The following ATP6V1A variants were observed in gnomAD, a reference collection of about 807,000 sequenced individuals.
ATP6V1A encodes the protein ATPase H+ transporting V1 subunit A, also known as V-type proton ATPase catalytic subunit A.
Under a neutral mutation model 70.1 loss-of-function variants are expected in ATP6V1A, and 18 were observed. That is an observed-to-expected ratio of 0.26 (90% confidence interval 0.18 to 0.38). ATP6V1A has a LOEUF of 0.38. Among genes scored for constraint, ATP6V1A ranks in the 10% least tolerant of loss-of-function variants. The pLI is 1.00. For missense variants in ATP6V1A, 424 were observed against 772.4 expected (o/e 0.55, Z 5.35); for synonymous variants, 232 against 253.8 (o/e 0.91, Z 0.82).
intron 1 of ATP6V1A, among the ~76,000 whole-genome samples, chr3:113,775,214 A>G (rs1408823697): frequency 6.6e-6 from 1 of 151,824 alleles, no homozygotes. Context: ...TAAGCGTATT[A>G]CATTTCACAA....
In ATP6V1A at chr3:113,786,270, G is replaced by A. The variant is rs1446469883; in HGVS notation, c.603G>A (p.Glu201=). The change falls in exon 6 of 15, where the codon GAG becomes GAA. Residue 201 remains glutamate (E), a synonymous_variant. Coordinates refer to ENST00000273398, the MANE Select transcript of ATP6V1A (RefSeq NM_001690.4). The part of the protein sequence containing the change: ...VLELEFEGVK[E]KFTMVQVWPV... ...AGCTTGAATTTGAAGGTGTAAAGGA[G>A]AAGTTCACCATGGTGCAAGTATGGC... The A allele has an allele frequency of 5.0e-6, 8 of 1,610,874 alleles. No homozygotes were observed. The highest frequency in any genetic ancestry group is 6.8e-6 in the Non-Finnish European group (8 of 1,178,034).
chr3:113,762,035 G>A (rs79714679), intron 1 of ATP6V1A, among the ~76,000 whole-genome samples: 1 of 127,230 alleles, frequency 7.9e-6, no homozygotes, highest in South Asian at 2.4e-4. Context: ...GCCTGTAATC[G>A]CAGCTACTCT....
At chr3:113,785,179 C>T (rs922285474) in intron 5 of ATP6V1A, among the ~76,000 whole-genome samples, 3 of 152,210 alleles carry the variant, frequency 2.0e-5, no homozygotes, top group South Asian at 2.1e-4. Context: ...TGTAGGCTCA[C>T]GCCTGTAATC....
intron 6 of ATP6V1A, among the ~76,000 whole-genome samples, chr3:113,786,648 G>A (rs1435413569): frequency 6.7e-6 from 1 of 149,904 alleles, no homozygotes; most frequent in African/African-American, 2.4e-5. Flanking sequence ...AAGAAAATCT[G>A]TACCAAAACA....
intron 6 of ATP6V1A, among the ~76,000 whole-genome samples, chr3:113,786,996 T>C (rs1709046744): frequency 6.6e-6 from 1 of 152,150 alleles, no homozygotes; most frequent in Admixed American, 6.5e-5. Flanking sequence ...CCTAGGCTGA[T>C]CTCAAACTTC....
chr3:113,804,793 C>T (rs1709256667), intron 13 of ATP6V1A, among the ~76,000 whole-genome samples: 2 of 152,138 alleles, frequency 1.3e-5, no homozygotes, highest in Non-Finnish European at 1.5e-5. Flanking sequence ...AAAAGTTGTA[C>T]GAATGTATGT....
chr3:113,767,867 A>G (rs1020715618), intron 1 of ATP6V1A, among the ~76,000 whole-genome samples: 1 of 152,064 alleles, frequency 6.6e-6, no homozygotes, highest in African/African-American at 2.4e-5. Flanking sequence ...TGGCCAGGCA[A>G]GTCTTGAACT....
chr3:113,750,190 T>C (rs1177776489), intron 1 of ATP6V1A, among the ~76,000 whole-genome samples: 7 of 152,172 alleles, frequency 4.6e-5, no homozygotes, highest in Non-Finnish European at 1.0e-4. Flanking sequence ...AGGTAATCTA[T>C]GTGAAAATAT....
intron 11 of ATP6V1A, among the ~76,000 whole-genome samples, chr3:113,796,721 A>G (rs151217713): frequency 2.0e-4 from 30 of 152,338 alleles, no homozygotes; most frequent in Non-Finnish European, 2.9e-4. Flanking sequence ...TGACAGTATC[A>G]GAGAAAAGGA....
rs926541314 is a variant in ATP6V1A, at chr3:113,811,855, A to G, written c.*2428A>G. 3 of 152,596 alleles carry G rather than the reference A, an allele frequency of 2.0e-5. No individual in the cohort carries two copies. Among genetic ancestry groups the G allele is most frequent in the Admixed American group, 1.3e-4 (2 of 15,272 alleles). 9.5% of individuals were successfully genotyped at this position (152,596 alleles called of 1,614,324 possible). A position where few individuals can be genotyped will look rare whatever the true frequency, so the allele number is the denominator to read the frequency against. Reference sequence around the variant, plus strand: ...TTGTGCTGTGTCTGGTCCTAAGTGGAGCCAATTAAACAAGTTTCATATGTA... The same window carrying G: ...TTGTGCTGTGTCTGGTCCTAAGTGGGGCCAATTAAACAAGTTTCATATGTA... On this transcript the variant is annotated 3_prime_UTR_variant, in exon 15 of 15. Transcript: ENST00000273398.
chr3:113,776,999 T>G (rs1267140769), intron 1 of ATP6V1A, among the ~76,000 whole-genome samples: 1 of 152,226 alleles, frequency 6.6e-6, no homozygotes, highest in Non-Finnish European at 1.5e-5. Flanking sequence ...TAAATAAGGG[T>G]ATATTATTTG....
At chr3:113,795,242 A>C in intron 10 of ATP6V1A, 38 bp downstream of exon 10, 1 of 1,593,316 alleles carries the variant, frequency 6.3e-7, no homozygotes, top group Non-Finnish European at 8.6e-7. Flanking sequence ...AAAGGAAAAA[A>C]GTCACAGATG....
chr3:113,766,760 T>A (rs1161380667), intron 1 of ATP6V1A, among the ~76,000 whole-genome samples: 1 of 152,200 alleles, frequency 6.6e-6, no homozygotes, highest in Non-Finnish European at 1.5e-5. Context: ...GGCTTTCTTT[T>A]CTAAAAATGG....
At chr3:113,772,972 C>T (rs1369425270) in intron 1 of ATP6V1A, among the ~76,000 whole-genome samples, 1 of 116,080 alleles carries the variant, frequency 8.6e-6, no homozygotes, top group Admixed American at 1.1e-4. Flanking sequence ...GAGTCTCACT[C>T]TGTCACCCAG....
intron 12 of ATP6V1A, chr3:113,801,183 A>G (rs1482751139): frequency 6.6e-6 from 1 of 150,764 alleles, no homozygotes; most frequent in Non-Finnish European, 1.5e-5. Flanking sequence ...TACATAAATA[A>G]TAAGATAAAA....
chr3:113,803,754 CT>C, intron 13 of ATP6V1A, 77 bp downstream of exon 13: 3 of 1,095,228 alleles, frequency 2.7e-6, no homozygotes, highest in Non-Finnish European at 2.7e-6. Flanking sequence ...ATTAAAAACC[CT>C]TTTTTATTCT....
chr3:113,781,936 C>CT (rs2108027726), intron 3 of ATP6V1A, among the ~76,000 whole-genome samples: 1 of 152,242 alleles, frequency 6.6e-6, no homozygotes, highest in African/African-American at 2.4e-5. Flanking sequence ...AGTTTTATTA[C>CT]TAGGAAAGCT....
At chr3:113,750,384 A>G (rs1456245841) in intron 1 of ATP6V1A, among the ~76,000 whole-genome samples, 2 of 152,230 alleles carry the variant, frequency 1.3e-5, no homozygotes, top group African/African-American at 2.4e-5. Flanking sequence ...CAGGAGGCTG[A>G]GGCAGGAGAA....
intron 12 of ATP6V1A, 50 bp downstream of exon 12, chr3:113,798,496 G>A (rs759251105): frequency 1.2e-5 from 19 of 1,575,186 alleles, no homozygotes; most frequent in East Asian, 4.5e-5. Context: ...ACACTGGGGT[G>A]TTTCAAGGAC....
Sources: allele counts gnomAD v4.1 joint callset (sites outside exome capture counted in the v4.1 genomes callset), GRCh38; gene constraint gnomAD v4.1.1; transcripts MANE v1.5; gene names NCBI Gene and HGNC (gene_info 2026-07-23, HGNC 2026-07-21).